Variants in AFAP1L2 observed in about 807,000 individuals in gnomAD.
AFAP1L2 encodes the protein actin filament associated protein 1 like 2, also known as actin filament-associated protein 1-like 2.
A neutral mutation model predicts 99.3 loss-of-function variants in AFAP1L2; 46 were observed. The observed-to-expected ratio is 0.46, with a 90% confidence interval of 0.37 to 0.59. The LOEUF (loss-of-function observed/expected upper bound fraction) is 0.59, where lower values mean the gene tolerates loss of function less well. Ranked by LOEUF, AFAP1L2 falls within the 20% of genes least tolerant of loss-of-function variation. The probability of loss-of-function intolerance (pLI) is 0.00; values close to 1 mark genes in which losing one functional copy is unlikely to be tolerated. For missense variants in AFAP1L2, 959 were observed against 1,034.9 expected (o/e 0.93, Z 1.01); for synonymous variants, 397 against 419.1 (o/e 0.95, Z 0.64).
intron 4 of AFAP1L2, among the ~76,000 whole-genome samples, chr10:114,329,400 A>C (rs1006620869): frequency 1.3e-5 from 2 of 152,178 alleles, no homozygotes; most frequent in East Asian, 3.9e-4. Flanking sequence ...CACAATTTCT[A>C]GAACACTCAC....
chr10:114,298,793 C>CTTAAG (rs113989104), intron 16 of AFAP1L2, among the ~76,000 whole-genome samples: 5 of 152,222 alleles, frequency 3.3e-5, no homozygotes, highest in South Asian at 2.1e-4. Context: ...TGGCAAGTAT[C>CTTAAG]TTAAGTTTTT....
intron 1 of AFAP1L2, among the ~76,000 whole-genome samples, chr10:114,388,071 T>C (rs1198349803): frequency 6.6e-6 from 1 of 152,158 alleles, no homozygotes; most frequent in Non-Finnish European, 1.5e-5. Context: ...AGGATATTAT[T>C]TTAGGATATG....
At position 114,297,110 on chromosome 10, in the gene AFAP1L2, TAGG is replaced by T. The variant is rs770187726; in HGVS notation, c.2308-13_2308-11del. The stretch of plus-strand genomic sequence containing the variant: ...GTGTGACAGCTTTGGGCTGTGGTTA[TAGG>T]AGGAGAGCAAGGGCTGAGTCAAGGG... On this transcript the variant is annotated splice_polypyrimidine_tract_variant and intron_variant, in intron 17 of 18. Coordinates refer to ENST00000304129, the MANE Select transcript of AFAP1L2 (RefSeq NM_001001936.3). The T allele has an allele frequency of 1.2e-6, 2 of 1,614,022 alleles. No individual in the cohort carries two copies. Among genetic ancestry groups the T allele is most frequent in the South Asian group, 1.1e-5 (1 of 91,062 alleles).
chr10:114,320,879 AC>A (rs777159866), intron 5 of AFAP1L2, among the ~76,000 whole-genome samples: 7 of 152,172 alleles, frequency 4.6e-5, no homozygotes, highest in Non-Finnish European at 8.8e-5. Flanking sequence ...AGACAGCAGC[AC>A]CGCACCCTCG....
At chr10:114,292,210 G>C (rs2039667163), downstream of AFAP1L2, among the ~76,000 whole-genome samples, 1 of 151,542 alleles carries the variant, frequency 6.6e-6, no homozygotes, top group Admixed American at 6.6e-5. Context: ...CTGGGAGGCG[G>C]AAGTTACAGT....
At chr10:114,399,853 C>T (rs1439003211) in intron 1 of AFAP1L2, among the ~76,000 whole-genome samples, 1 of 152,214 alleles carries the variant, frequency 6.6e-6, no homozygotes, top group Non-Finnish European at 1.5e-5. Flanking sequence ...CTCCCCAAGA[C>T]ACATCCTCTC....
At position 114,304,713 on chromosome 10, in the gene AFAP1L2, C is replaced by T. The variant is rs202074400; in HGVS notation, c.1284+6G>A. On this transcript the variant is annotated splice_donor_region_variant and intron_variant, in intron 11 of 18. Coordinates refer to ENST00000304129, the MANE Select transcript of AFAP1L2 (RefSeq NM_001001936.3). ...TGGCCCTGCTCCCCCTGCAGGCCGG[C>T]GGTACCTCAAGCTTGGCCAGCTCCT... is the stretch of plus-strand genomic sequence containing the variant. 7.3e-5 allele frequency: 116 copies of T among 1,595,110 alleles called. No homozygotes were observed. The highest frequency in any genetic ancestry group is 7.9e-5 in the Non-Finnish European group (93 of 1,172,572).
At chr10:114,281,391 G>A in the AFAP1L2 span, 2 of 152,328 alleles carry the variant, frequency 1.3e-5, no homozygotes, top group South Asian at 2.1e-4. Context: ...TTGGAGTCAT[G>A]GTCAGGGTTT....
At chr10:114,388,294 C>A (rs2056755528) in intron 1 of AFAP1L2, among the ~76,000 whole-genome samples, 1 of 152,060 alleles carries the variant, frequency 6.6e-6, no homozygotes, top group South Asian at 2.1e-4. Flanking sequence ...TGAACACACA[C>A]ACACACACAC....
intron 1 of AFAP1L2, among the ~76,000 whole-genome samples, chr10:114,376,038 C>T (rs2054751258): frequency 6.6e-6 from 1 of 152,106 alleles, no homozygotes; most frequent in Non-Finnish European, 1.5e-5. Context: ...CTCTAAGAGT[C>T]TAATCAGGAA....
chr10:114,298,100 G>A (rs1674754462), intron 16 of AFAP1L2, among the ~76,000 whole-genome samples: 1 of 152,208 alleles, frequency 6.6e-6, no homozygotes, highest in Admixed American at 6.5e-5. Flanking sequence ...AGTTCAAGCT[G>A]GGTGCGGTGG....
intron 8 of AFAP1L2, among the ~76,000 whole-genome samples, chr10:114,309,154 A>G (rs2042844195): frequency 6.6e-6 from 1 of 152,260 alleles, no homozygotes; most frequent in East Asian, 1.9e-4. Flanking sequence ...ACAAGCTGAC[A>G]GTCTCCCAAG....
chr10:114,327,624 C>T (rs1012434948), intron 4 of AFAP1L2, among the ~76,000 whole-genome samples: 1 of 152,152 alleles, frequency 6.6e-6, no homozygotes, highest in Admixed American at 6.5e-5. Flanking sequence ...TGTGGCCACT[C>T]GGGACCTCTG....
intron 1 of AFAP1L2, among the ~76,000 whole-genome samples, chr10:114,349,816 G>C (rs562764338): frequency 6.6e-6 from 1 of 151,544 alleles, no homozygotes; most frequent in Non-Finnish European, 1.5e-5. Context: ...CGAGGGGGGC[G>C]GGGGGGTTTG....
intron 7 of AFAP1L2, 23 bp from the exon 8 acceptor site, chr10:114,310,466 A>G (rs780908372): frequency 1.2e-6 from 2 of 1,608,658 alleles, no homozygotes; most frequent in South Asian, 1.1e-5. Context: ...GGAAGCCGTC[A>G]GCAGAGGCTG....
intron 7 of AFAP1L2, among the ~76,000 whole-genome samples, chr10:114,310,756 C>T (rs544597939): frequency 3.9e-5 from 6 of 152,148 alleles, no homozygotes; most frequent in South Asian, 2.1e-4. Context: ...CCCAGGGCTC[C>T]GCGAGCCCCT....
At chr10:114,374,870 T>A in intron 1 of AFAP1L2, among the ~76,000 whole-genome samples, 2 of 146,604 alleles carry the variant, frequency 1.4e-5, no homozygotes, top group East Asian at 4.2e-4. Context: ...GGCAGAGAGG[T>A]GGTTTAGGTC....
At chr10:114,350,514 C>CAG (rs2050304304) in intron 1 of AFAP1L2, among the ~76,000 whole-genome samples, 1 of 152,196 alleles carries the variant, frequency 6.6e-6, no homozygotes, top group African/African-American at 2.4e-5. Context: ...TAGACAGACA[C>CAG]ATACTACCTG....
In AFAP1L2 at chr10:114,366,994, T is replaced by G. The variant is rs142505228; in HGVS notation, c.17-26263A>C. On this transcript the variant is annotated intron_variant, in intron 1 of 18. Transcript: ENST00000304129. Reference sequence around the variant, plus strand: ...AAAAAACAACAACAAAAAAGAATTCTTCACATTTGACAAATCGAGCCTCCT... The same window carrying G: ...AAAAAACAACAACAAAAAAGAATTCGTCACATTTGACAAATCGAGCCTCCT... Among the ~76,000 whole-genome samples, 37 of 152,128 alleles carry G rather than the reference T, an allele frequency of 2.4e-4. No individual in the cohort carries two copies. In the East Asian group the frequency reaches 6.8e-3, roughly 28 times the overall value.
Sources: allele counts gnomAD v4.1 joint callset (sites outside exome capture counted in the v4.1 genomes callset), GRCh38; gene constraint gnomAD v4.1.1; transcripts MANE v1.5; gene names NCBI Gene and HGNC (gene_info 2026-07-23, HGNC 2026-07-21).